Variants in AAK1 observed in about 807,000 individuals in gnomAD.
AAK1 encodes the protein AP2 associated kinase 1.
A neutral mutation model predicts 116.0 loss-of-function variants in AAK1; 37 were observed. The ratio of observed to expected loss-of-function variants is 0.32; its 90% CI spans 0.25 to 0.42. The LOEUF (loss-of-function observed/expected upper bound fraction) is 0.42. AAK1 is among the 10% of genes least tolerant of loss of function. The probability of loss-of-function intolerance (pLI) is 1.00; values close to 1 mark genes in which losing one functional copy is unlikely to be tolerated. For synonymous variants in AAK1, 458 were observed against 439.9 expected (o/e 1.04, Z -0.51); for missense variants, 919 against 1,170.6 (o/e 0.79, Z 3.14).
intron 12 of AAK1, among the ~76,000 whole-genome samples, chr2:69,518,638 C>T (rs1676689746): frequency 6.6e-6 from 1 of 151,890 alleles, no homozygotes; most frequent in Non-Finnish European, 1.5e-5. Context: ...AGGATGGTCT[C>T]GATCTCTTGA....
intron 13 of AAK1, among the ~76,000 whole-genome samples, chr2:69,509,953 C>A (rs567337734): frequency 1.3e-5 from 2 of 152,274 alleles, no homozygotes; most frequent in South Asian, 2.1e-4. Context: ...CTAAGAGATC[C>A]CTCACTCTCT....
intron 3 of AAK1, among the ~76,000 whole-genome samples, 151 bp from the exon 4 acceptor site, chr2:69,544,695 C>T (rs1192446123): frequency 2.0e-5 from 3 of 152,186 alleles, no homozygotes; most frequent in Non-Finnish European, 2.9e-5. Flanking sequence ...AACAGGTTTC[C>T]AGTGGTCCCT....
At chr2:69,514,222 T>C (rs528922434) in intron 13 of AAK1, among the ~76,000 whole-genome samples, 1 of 152,308 alleles carries the variant, frequency 6.6e-6, no homozygotes, top group South Asian at 2.1e-4. Flanking sequence ...CTAGCCTAGT[T>C]TCAGAGTGAT....
chr2:69,605,475 C>A (rs141757079), intron 2 of AAK1, among the ~76,000 whole-genome samples: 2 of 152,054 alleles, frequency 1.3e-5, no homozygotes, highest in Non-Finnish European at 2.9e-5. Context: ...CAGGAAGTTG[C>A]GAAAATAGTG....
chr2:69,621,879 G>C (rs1401111664), intron 2 of AAK1, among the ~76,000 whole-genome samples: 1 of 152,162 alleles, frequency 6.6e-6, no homozygotes, highest in African/African-American at 2.4e-5. Context: ...GAATCCAACC[G>C]GGCACCAAGG....
chr2:69,642,719 C>A (rs1291805298), intron 2 of AAK1, among the ~76,000 whole-genome samples, 159 bp downstream of exon 2: 1 of 152,202 alleles, frequency 6.6e-6, no homozygotes, highest in East Asian at 1.9e-4. Context: ...TTTCAAATCT[C>A]AATTTTAAAT....
chr2:69,473,505 T>A lies in AAK1; in HGVS notation c.*2364A>T. 1 of 985,466 alleles carries A rather than the reference T, an allele frequency of 1.0e-6. No individual in the cohort carries two copies. The highest frequency in any genetic ancestry group is 4.7e-5 in the South Asian group (1 of 21,284). The allele number at this position is 985,466 out of a possible 1,614,324, so 61.0% of individuals were successfully genotyped here. On this transcript the variant is annotated 3_prime_UTR_variant, in exon 22 of 22. Coordinates refer to ENST00000409085, the MANE Select transcript of AAK1 (RefSeq NM_014911.5). ...ATAAGCCCAAGACAATTTCTTGTCA[T>A]TATCTCCCTTAGGCTTCTACTGCCG...
chr2:69,592,112 G>T (rs893698207), intron 2 of AAK1, among the ~76,000 whole-genome samples: 1 of 152,144 alleles, frequency 6.6e-6, no homozygotes, highest in Non-Finnish European at 1.5e-5. Context: ...ACAAAAGGAA[G>T]ACCGCTCCAA....
intron 5 of AAK1, among the ~76,000 whole-genome samples, chr2:69,538,866 A>T (rs950519101): frequency 3.9e-5 from 6 of 152,152 alleles, no homozygotes; most frequent in African/African-American, 1.4e-4. Flanking sequence ...TGGGCAAGAG[A>T]GCAAGACTTC....
intron 2 of AAK1, among the ~76,000 whole-genome samples, chr2:69,559,133 A>G (rs1325341933): frequency 6.6e-6 from 1 of 152,174 alleles, no homozygotes; most frequent in Non-Finnish European, 1.5e-5. Flanking sequence ...CAGTATTCAA[A>G]TAAACACTAA....
chr2:69,537,409 T>C (rs1205136474), intron 5 of AAK1, among the ~76,000 whole-genome samples: 2 of 151,658 alleles, frequency 1.3e-5, no homozygotes, highest in Non-Finnish European at 2.9e-5. Context: ...GCAAGGGGGG[T>C]TTCCTCAGTT....
chr2:69,509,368 T>C lies in AAK1; in HGVS notation c.1869A>G (p.Ser623=), dbSNP rs1676304549. The C allele has an allele frequency of 6.2e-7, 1 of 1,613,794 alleles. No individual in the cohort carries two copies. The highest frequency in any genetic ancestry group is 1.3e-5 in the African/African-American group (1 of 74,888). ...GCCCAGCACGTTGGGTTTTGGGGGA[T>C]GAGGGTGGAGTGAGAGATCCAACTT... The part of the protein sequence containing the change: ...GQKVGSLTPP[S]SPKTQRAGHR... The change falls in exon 14 of 22, where the codon TCA becomes TCG. Residue 623 remains serine, a synonymous_variant. Transcript: ENST00000409085.
At chr2:69,527,722 A>G (rs942316219) in intron 8 of AAK1, among the ~76,000 whole-genome samples, 5 of 152,164 alleles carry the variant, frequency 3.3e-5, no homozygotes, top group African/African-American at 4.8e-5. Context: ...CAAAACCCAA[A>G]CTTCATGAAT....
chr2:69,560,482 A>T (rs1248758401), intron 2 of AAK1, among the ~76,000 whole-genome samples: 2 of 152,260 alleles, frequency 1.3e-5, no homozygotes, highest in African/African-American at 4.8e-5. Context: ...AGCCTGTGTC[A>T]GTCTCTCTGC....
intron 17 of AAK1, among the ~76,000 whole-genome samples, chr2:69,491,463 G>A (rs1319726270): frequency 6.6e-6 from 1 of 152,058 alleles, no homozygotes; most frequent in African/African-American, 2.4e-5. Flanking sequence ...ATAGTGCTTT[G>A]AAAAATAAAA....
rs1674617895 is a variant in AAK1, at chr2:69,469,862, A to G, written c.*6007T>C. 1 of 985,446 alleles carries G rather than the reference A, an allele frequency of 1.0e-6. No homozygotes were observed. The allele number at this position is 985,446 out of a possible 1,614,324, so 61.0% of individuals were successfully genotyped here. The stretch of plus-strand genomic sequence containing the variant: ...TGACACTTTCAATATGGGTAACTCC[A>G]TATTAGTCTATTTTGAGGCTCCAAA... On this transcript the variant is annotated 3_prime_UTR_variant, in exon 22 of 22. Coordinates refer to ENST00000409085, the MANE Select transcript of AAK1 (RefSeq NM_014911.5).
chr2:69,634,223 C>T lies in AAK1; in HGVS notation c.163+8655G>A, dbSNP rs150540640. Among the ~76,000 whole-genome samples, 965 of 152,232 alleles carry T rather than the reference C, an allele frequency of 6.3e-3. 22 individuals carry two copies. The highest frequency in any genetic ancestry group is 0.012 in the East Asian group (61 of 5,190). ...GAAAAGATACTGATGATCCTTTGTA[C>T]AAGGAAGAATTTTAAGGAAGAATCC... On this transcript the variant is annotated intron_variant, in intron 2 of 21. Transcript: ENST00000409085.
In AAK1 at chr2:69,531,860, T is replaced by G. The variant is rs991049135; in HGVS notation, c.656+181A>C. 3.1e-6 allele frequency: 4 copies of G among 1,276,508 alleles called. No homozygotes were observed. The African/African-American group carries it at 6.0e-5, about 19-fold the overall frequency. 79.1% of individuals were successfully genotyped at this position (1,276,508 alleles called of 1,614,324 possible). A position where few individuals can be genotyped will look rare whatever the true frequency, so the allele number is the denominator to read the frequency against. ...TTCCTTTTACTCTGATGTATGCCTGTAAACCCCCTCCTCATTCTTCACTTA... is the reference window on the plus strand; with the variant it reads ...TTCCTTTTACTCTGATGTATGCCTGGAAACCCCCTCCTCATTCTTCACTTA... On this transcript the variant is annotated intron_variant, in intron 6 of 21. Transcript: ENST00000409085.
intron 3 of AAK1, among the ~76,000 whole-genome samples, chr2:69,554,640 A>C (rs1671315721): frequency 6.6e-6 from 1 of 152,196 alleles, no homozygotes; most frequent in East Asian, 1.9e-4. Flanking sequence ...ATAGGAGATA[A>C]TGCCTAAAAT....
Sources: gnomAD v4.1 joint callset for allele counts (sites outside exome capture counted in the v4.1 genomes callset) on GRCh38, gnomAD v4.1.1 for gene constraint, MANE v1.5 for transcripts, NCBI Gene and HGNC (gene_info 2026-07-23, HGNC 2026-07-21) for gene names.